Variants in CD99 observed in about 807,000 individuals in gnomAD.
CD99 encodes CD99 antigen.
CD99 carries 19 observed loss-of-function variants against 28.4 expected under a neutral mutation model. That is an observed-to-expected ratio of 0.67 (90% CI 0.47 to 0.98). CD99 has a LOEUF of 0.98. Ranked by LOEUF, CD99 falls within the 50% of genes least tolerant of loss-of-function variation. The probability of loss-of-function intolerance (pLI) is 0.00; values close to 1 mark genes in which losing one functional copy is unlikely to be tolerated. For missense variants in CD99, 283 were observed against 248.8 expected, an observed-to-expected ratio of 1.14 and a Z score of -0.92; for synonymous variants, 103 against 92.1, an observed-to-expected ratio of 1.12 and a Z score of -0.67.
intron 1 of CD99, among the ~76,000 whole-genome samples, chrX:2,710,231 C>T (rs1004078090): frequency 1.3e-4 from 20 of 152,120 alleles, no homozygotes; most frequent in Admixed American, 1.3e-3. Flanking sequence ...GAGGCCACCT[C>T]CTGACACTGG....
chrX:2,707,559 G>A (rs1449921158), intron 1 of CD99, among the ~76,000 whole-genome samples: 1 of 152,158 alleles, frequency 6.6e-6, no homozygotes, highest in East Asian at 1.9e-4. Context: ...TCAGTAGAAA[G>A]TGTCTTGTCA....
In CD99 at chrX:2,723,377, G is replaced by A; in HGVS notation, c.361+13G>A. Reference sequence around the variant, plus strand: ...GAAGGGGAAGAGGGTAGGTGCACCTGGCTTCTGTCTTCTTGTCTCTCCCAC... The same window carrying A: ...GAAGGGGAAGAGGGTAGGTGCACCTAGCTTCTGTCTTCTTGTCTCTCCCAC... On this transcript the variant is annotated intron_variant, in intron 7 of 9. Coordinates refer to ENST00000381192, the MANE Select transcript of CD99 (RefSeq NM_002414.5). 3 of 1,613,832 alleles carry A rather than the reference G, an allele frequency of 1.9e-6. No individual in the cohort carries two copies. Among genetic ancestry groups the A allele is most frequent in the Non-Finnish European group, 2.5e-6 (3 of 1,179,754 alleles).
chrX:2,723,976 AAG>A (rs1036955876), intron 7 of CD99, among the ~76,000 whole-genome samples: 28 of 139,386 alleles, frequency 2.0e-4, no homozygotes, highest in Non-Finnish European at 4.0e-4. Flanking sequence ...GAGGGAAGGA[AAG>A]AAGGAAGGAG....
chrX:2,736,843 C>T (rs1049488121), intron 8 of CD99, among the ~76,000 whole-genome samples: 10 of 150,924 alleles, frequency 6.6e-5, no homozygotes, highest in Admixed American at 2.6e-4. Flanking sequence ...GGCGACAGAG[C>T]GAGACTCTGT....
intron 8 of CD99, among the ~76,000 whole-genome samples, chrX:2,728,203 T>TTTC (rs2049396289): frequency 1.4e-5 from 2 of 140,130 alleles, no homozygotes; most frequent in Non-Finnish European, 1.6e-5. Context: ...GTTGTTTCTT[T>TTTC]TTTTTTTTTT....
intron 8 of CD99, among the ~76,000 whole-genome samples, chrX:2,736,681 C>T (rs1328946758): frequency 1.3e-5 from 2 of 151,870 alleles, no homozygotes; most frequent in East Asian, 3.9e-4. Flanking sequence ...CACGGTGGAA[C>T]CCCATCTCTA....
chrX:2,706,790 GA>G (rs1395263528), intron 1 of CD99, among the ~76,000 whole-genome samples: 4 of 151,996 alleles, frequency 2.6e-5, no homozygotes, highest in Non-Finnish European at 5.9e-5. Flanking sequence ...AAAGTTACAG[GA>G]ATCTTGGAAC....
chrX:2,734,695 CTTAT>C lies in CD99; in HGVS notation c.476-3502_476-3499del, dbSNP rs1392850858. On this transcript the variant is annotated intron_variant, in intron 8 of 9. Transcript: ENST00000381192. ...TTTTCTTTTTATCTTATTTCTTTTA[CTTAT>C]TTTTCTTTTTTTTACTTTTATTTCT... 3.5e-5 allele frequency among the ~76,000 whole-genome samples: 5 copies of C among 144,874 alleles called. No individual in the cohort carries two copies. The South Asian group carries it at 6.5e-4, about 19-fold the overall frequency.
intron 1 of CD99, among the ~76,000 whole-genome samples, chrX:2,704,252 G>C (rs1281513828): frequency 1.3e-5 from 2 of 152,120 alleles, no homozygotes; most frequent in Non-Finnish European, 2.9e-5. Flanking sequence ...ACAAAAGAAA[G>C]TTTCCCACTT....
chrX:2,730,744 G>A (rs1342824999), intron 8 of CD99, among the ~76,000 whole-genome samples: 1 of 151,726 alleles, frequency 6.6e-6, no homozygotes. Context: ...AGAAGCAAGA[G>A]ATGGTGAAAC....
chrX:2,733,648 A>C (rs1440432645), intron 8 of CD99: 1 of 538,206 alleles, frequency 1.9e-6, no homozygotes, highest in African/African-American at 1.9e-5. Context: ...ATTTTCTTTT[A>C]AACATGAATC....
intron 3 of CD99, chrX:2,717,936 CCTTTTT>C: frequency 3.2e-6 from 1 of 313,638 alleles, no homozygotes; most frequent in Non-Finnish European, 5.5e-6. Context: ...GATTTTCTTC[CCTTTTT>C]TTTTTTTTTT....
chrX:2,723,521 A>T (rs2049109338), intron 7 of CD99, 157 bp downstream of exon 7: 1 of 797,064 alleles, frequency 1.3e-6, no homozygotes, highest in Non-Finnish European at 2.1e-6. Context: ...CAAGTGATGT[A>T]GCTGCAGAGG....
intron 6 of CD99, 81 bp downstream of exon 6, chrX:2,722,755 A>G: frequency 7.5e-7 from 1 of 1,340,010 alleles, no homozygotes; most frequent in South Asian, 1.2e-5. Context: ...TACAGGGTCT[A>G]AACTGTCAGC....
chrX:2,736,133 C>G (rs776100746), intron 8 of CD99, among the ~76,000 whole-genome samples: 1 of 148,784 alleles, frequency 6.7e-6, no homozygotes, highest in African/African-American at 2.5e-5. Context: ...ACCCTGGAGG[C>G]GGAGGTTGCA....
At position 2,741,254 on chromosome X, in the gene CD99, A is replaced by C. The variant is rs1164352540; in HGVS notation, c.*450A>C. 1 of 162,262 alleles carries C rather than the reference A, an allele frequency of 6.2e-6. No individual in the cohort carries two copies. The allele number at this position is 162,262 out of a possible 1,614,324, so 10.1% of individuals were successfully genotyped here. Reference sequence around the variant, plus strand: ...AATTTGTTTCTTCAATATTTCTTTCATTTGTAGGGATATTTGTTTTTCATA... The same window carrying C: ...AATTTGTTTCTTCAATATTTCTTTCCTTTGTAGGGATATTTGTTTTTCATA... On this transcript the variant is annotated 3_prime_UTR_variant, in exon 10 of 10. Coordinates refer to ENST00000381192, the MANE Select transcript of CD99 (RefSeq NM_002414.5).
At chrX:2,711,694 T>C (rs1295206074) in intron 1 of CD99, among the ~76,000 whole-genome samples, 1 of 152,090 alleles carries the variant, frequency 6.6e-6, no homozygotes, top group Non-Finnish European at 1.5e-5. Context: ...AGCTATTAAA[T>C]GAACAAAGAA....
At chrX:2,732,949 T>TCCTC (rs778008542) in intron 8 of CD99, among the ~76,000 whole-genome samples, 1 of 138,744 alleles carries the variant, frequency 7.2e-6, no homozygotes, top group South Asian at 2.4e-4. Flanking sequence ...CTCCTTCCCT[T>TCCTC]CCTCCCTCCC....
At chrX:2,717,936 CCTTTTTTT>C in intron 3 of CD99, 1 of 313,638 alleles carries the variant, frequency 3.2e-6, no homozygotes, top group Non-Finnish European at 5.5e-6. Context: ...GATTTTCTTC[CCTTTTTTT>C]TTTTTTTTTT....
Sources: gnomAD v4.1 joint callset for allele counts (sites outside exome capture counted in the v4.1 genomes callset) on GRCh38, gnomAD v4.1.1 for gene constraint, MANE v1.5 for transcripts, NCBI Gene and HGNC (gene_info 2026-07-23, HGNC 2026-07-21) for gene names.